The following STK31 variants were observed in gnomAD, a reference collection of about 807,000 sequenced individuals.
STK31 encodes the protein serine/threonine-protein kinase 31.
A neutral mutation model predicts 129.7 loss-of-function variants in STK31; 89 were observed. The ratio of observed to expected loss-of-function variants is 0.69; its 90% CI spans 0.58 to 0.82. STK31 has a LOEUF of 0.82. Ranked by LOEUF, STK31 falls within the 40% of genes least tolerant of loss-of-function variation. STK31 has a pLI of 0.00. For missense variants in STK31, 1,187 were observed against 1,176.4 expected (o/e 1.01, Z -0.13); for synonymous variants, 448 against 395.3 (o/e 1.13, Z -1.58).
At chr7:23,783,166 A>T (rs1177812561) in intron 16 of STK31, among the ~76,000 whole-genome samples, 1 of 152,206 alleles carries the variant, frequency 6.6e-6, no homozygotes. Context: ...AGAAACAGCT[A>T]TATTGGTTAC....
chr7:23,806,577 T>G (rs1792714162), intron 22 of STK31, among the ~76,000 whole-genome samples: 1 of 152,104 alleles, frequency 6.6e-6, no homozygotes, highest in Non-Finnish European at 1.5e-5. Flanking sequence ...TAGAACTCAT[T>G]ATTGTAGAAT....
chr7:23,798,951 AACAG>A (rs757689682), intron 22 of STK31, among the ~76,000 whole-genome samples: 3 of 152,136 alleles, frequency 2.0e-5, no homozygotes, highest in East Asian at 1.9e-4. Context: ...ATACACCCGT[AACAG>A]ACAAAGAGCC....
chr7:23,710,693 A>C, intron 1 of STK31: 3 of 1,112,670 alleles, frequency 2.7e-6, no homozygotes, highest in Non-Finnish European at 3.3e-6. Flanking sequence ...TTTCATCACG[A>C]AGTGGAGATT....
chr7:23,710,695 G>A, intron 1 of STK31: 1 of 1,112,874 alleles, frequency 9.0e-7, no homozygotes, highest in Non-Finnish European at 1.1e-6. Context: ...TCATCACGAA[G>A]TGGAGATTTG....
chr7:23,799,787 C>G (rs893364095), intron 22 of STK31, among the ~76,000 whole-genome samples: 2 of 152,104 alleles, frequency 1.3e-5, no homozygotes, highest in South Asian at 2.1e-4. Flanking sequence ...GTGAACACAT[C>G]AGAGTGAACA....
At chr7:23,830,081 C>G (rs1188161728) in intron 23 of STK31, among the ~76,000 whole-genome samples, 1 of 151,930 alleles carries the variant, frequency 6.6e-6, no homozygotes, top group African/African-American at 2.4e-5. Context: ...TTCCACGTAG[C>G]TGGGACTACA....
intron 8 of STK31, among the ~76,000 whole-genome samples, chr7:23,739,417 G>T (rs769238505): frequency 2.6e-5 from 4 of 152,150 alleles, no homozygotes; most frequent in Non-Finnish European, 5.9e-5. Context: ...CTCCCATTCT[G>T]TAGGTTGCCT....
At chr7:23,752,572 C>T (rs1205687963) in intron 8 of STK31, 145 bp from the exon 9 acceptor site, 2 of 646,928 alleles carry the variant, frequency 3.1e-6, no homozygotes, top group African/African-American at 1.9e-5. Flanking sequence ...AACTTCTGAG[C>T]TCAAACCATC....
At chr7:23,801,689 C>T (rs1373244046) in intron 22 of STK31, among the ~76,000 whole-genome samples, 1 of 152,104 alleles carries the variant, frequency 6.6e-6, no homozygotes, top group African/African-American at 2.4e-5. Flanking sequence ...ACATTTAGAG[C>T]TGAGATCTCT....
intron 22 of STK31, among the ~76,000 whole-genome samples, chr7:23,798,730 C>T (rs1485302123): frequency 6.6e-6 from 1 of 152,090 alleles, no homozygotes; most frequent in Non-Finnish European, 1.5e-5. Flanking sequence ...ATTTAACATA[C>T]TATTGCAAGT....
At chr7:23,791,298 T>G in intron 22 of STK31, 1 of 985,316 alleles carries the variant, frequency 1.0e-6, no homozygotes. Flanking sequence ...AAATAGCTGT[T>G]TCTCATCCAT....
intron 6 of STK31, among the ~76,000 whole-genome samples, chr7:23,730,292 A>G (rs1044821735): frequency 5.9e-5 from 9 of 152,214 alleles, no homozygotes; most frequent in South Asian, 2.1e-4. Context: ...AAAGAAATTA[A>G]TTAAAATTGC....
chr7:23,798,074 C>T (rs548799811), intron 22 of STK31, among the ~76,000 whole-genome samples: 6 of 152,142 alleles, frequency 3.9e-5, no homozygotes, highest in Non-Finnish European at 7.3e-5. Context: ...CCTGAATAGA[C>T]CAACAATAAG....
At chr7:23,828,486 A>G (rs528459191) in intron 23 of STK31, among the ~76,000 whole-genome samples, 172 of 152,234 alleles carry the variant, frequency 1.1e-3, no homozygotes, top group Non-Finnish European at 1.6e-3. Flanking sequence ...TCCAGGTGCC[A>G]TCTGTCGCCC....
intron 8 of STK31, among the ~76,000 whole-genome samples, chr7:23,749,536 G>GGGT (rs1788567273): frequency 6.7e-6 from 1 of 148,302 alleles, no homozygotes; most frequent in Non-Finnish European, 1.5e-5. Context: ...TTTTTTGGGG[G>GGGT]TAGAGACCAT....
chr7:23,730,878 A>ATATATATTTTTTTTTTTTTTT, intron 6 of STK31, among the ~76,000 whole-genome samples: 2 of 59,542 alleles, frequency 3.4e-5, no homozygotes, highest in African/African-American at 5.8e-5. Context: ...ATATATATAT[A>ATATATATTTTTTTTTTTTTTT]TTTTTTTTTT....
At chr7:23,757,360 G>A (rs940230249) in intron 10 of STK31, among the ~76,000 whole-genome samples, 2 of 152,032 alleles carry the variant, frequency 1.3e-5, no homozygotes, top group Non-Finnish European at 2.9e-5. Flanking sequence ...CGCGCCCGCC[G>A]GCAAAGGTCT....
At chr7:23,767,883 T>C (rs1789930831) in intron 11 of STK31, among the ~76,000 whole-genome samples, 1 of 152,210 alleles carries the variant, frequency 6.6e-6, no homozygotes, top group Non-Finnish European at 1.5e-5. Context: ...TCTCAGAGTT[T>C]TGTGATTAAA....
At chr7:23,731,533 C>G (rs1199986831) in intron 6 of STK31, among the ~76,000 whole-genome samples, 4 of 152,182 alleles carry the variant, frequency 2.6e-5, no homozygotes, top group African/African-American at 7.2e-5. Context: ...ATTAGTTTAT[C>G]TAACATTTGA....
Sources: allele counts gnomAD v4.1 joint callset (sites outside exome capture counted in the v4.1 genomes callset), GRCh38; gene constraint gnomAD v4.1.1; transcripts MANE v1.5; gene names NCBI Gene and HGNC (gene_info 2026-07-23, HGNC 2026-07-21).